Variants in ZNRF3 observed in about 807,000 individuals in gnomAD.
The protein encoded by ZNRF3 is zinc and ring finger 3.
A neutral mutation model predicts 72.5 loss-of-function variants in ZNRF3; 23 were observed. That is an observed-to-expected ratio of 0.32 (90% CI 0.23 to 0.45). The LOEUF (loss-of-function observed/expected upper bound fraction) is 0.45. Among genes scored for constraint, ZNRF3 ranks in the 20% least tolerant of loss-of-function variants. The pLI is 1.00. For synonymous variants in ZNRF3, 610 were observed against 545.3 expected (o/e 1.12, Z -1.65); for missense variants, 1,169 against 1,272.1 (o/e 0.92, Z 1.23).
chr22:28,911,619 C>T (rs970055250), intron 1 of ZNRF3, among the ~76,000 whole-genome samples: 1 of 152,214 alleles, frequency 6.6e-6, no homozygotes, highest in Non-Finnish European at 1.5e-5. Flanking sequence ...TACACTTGAC[C>T]ATTCATGACA....
chr22:29,005,298 A>G (rs981790474), intron 2 of ZNRF3, among the ~76,000 whole-genome samples: 1 of 152,260 alleles, frequency 6.6e-6, no homozygotes, highest in Non-Finnish European at 1.5e-5. Context: ...AATATTCCTC[A>G]GCAGAGCATG....
At chr22:28,893,647 A>T (rs1437145593) in intron 1 of ZNRF3, among the ~76,000 whole-genome samples, 3 of 151,776 alleles carry the variant, frequency 2.0e-5, no homozygotes, top group Admixed American at 1.3e-4. Flanking sequence ...ACAGGTGCAC[A>T]TCACCACATC....
intron 1 of ZNRF3, among the ~76,000 whole-genome samples, chr22:28,893,657 C>G (rs1473282878): frequency 1.3e-5 from 2 of 152,120 alleles, no homozygotes; most frequent in Non-Finnish European, 2.9e-5. Context: ...ATCACCACAT[C>G]CAGCTAATGT....
chr22:29,048,440 C>T lies in ZNRF3; in HGVS notation c.964C>T (p.Pro322Ser), dbSNP rs758466692. 9.3e-6 allele frequency: 15 copies of T among 1,614,044 alleles called. No individual in the cohort carries two copies. Among genetic ancestry groups the T allele is most frequent in the Non-Finnish European group, 1.3e-5 (15 of 1,180,024 alleles). ...THRFHRKCVDPWLLQHHTCPH... is the reference protein window; with the variant it reads ...THRFHRKCVDSWLLQHHTCPH... ...CCGGTTTCACAGGAAGTGCGTGGACCCCTGGCTGCTGCAGCACCACACCTG... is the reference window on the plus strand; with the variant it reads ...CCGGTTTCACAGGAAGTGCGTGGACTCCTGGCTGCTGCAGCACCACACCTG... The change falls in exon 7 of 9, where the codon CCC becomes TCC. Residue 322 changes from proline (P) to serine (S), a missense_variant. Coordinates refer to ENST00000544604, the MANE Select transcript of ZNRF3 (RefSeq NM_001206998.2). This position sits in a 1 kb window ranked among gnomAD's most constrained non-coding sequence, Gnocchi z 4.9.
chr22:29,019,687 C>G (rs1364736799), intron 2 of ZNRF3, among the ~76,000 whole-genome samples: 3 of 152,138 alleles, frequency 2.0e-5, no homozygotes, highest in African/African-American at 7.2e-5. Flanking sequence ...TTAATTGGCA[C>G]CTACCATGTA....
At position 28,929,904 on chromosome 22, in the gene ZNRF3, C is replaced by T. The variant is rs2034674483; in HGVS notation, c.300+45838C>T. Among the ~76,000 whole-genome samples the T allele has an allele frequency of 2.0e-5, 3 of 150,372 alleles. No homozygotes were observed. The South Asian group carries it at 6.2e-4, about 31-fold the overall frequency. On this transcript the variant is annotated intron_variant, in intron 1 of 8. Transcript: ENST00000544604. ...TTGTGAATAGGACCACAGATATGCA[C>T]TCCTTACATTAACCTCAGCCTTGAT...
At chr22:28,903,000 C>T (rs543593780) in intron 1 of ZNRF3, among the ~76,000 whole-genome samples, 1 of 151,990 alleles carries the variant, frequency 6.6e-6, no homozygotes, top group South Asian at 2.1e-4. Flanking sequence ...TTTTAACATG[C>T]TTAGTGCCTT....
At chr22:28,933,527 C>T (rs902341410) in intron 1 of ZNRF3, among the ~76,000 whole-genome samples, 8 of 152,130 alleles carry the variant, frequency 5.3e-5, no homozygotes, top group African/African-American at 1.9e-4. Flanking sequence ...CTGTTATCAA[C>T]AATTACTTGG....
intron 1 of ZNRF3, among the ~76,000 whole-genome samples, chr22:28,977,836 A>C (rs1397715387): frequency 6.6e-6 from 1 of 152,248 alleles, no homozygotes; most frequent in South Asian, 2.1e-4. Context: ...CCTTTCAGAC[A>C]TGTGGAAAGT....
rs1489041694 is a variant in ZNRF3, at chr22:29,050,181, A to G, written c.2000A>G (p.Tyr667Cys). ...TCCACCTGCAGCCTGGAGATGAACT[A>G]CAGCAGCAACTCCTCCCTGGAGCAC... ...QVSTCSLEMN[Y>C]SSNSSLEHRG... Residue 667 changes from tyrosine (Y) to cysteine (C), a missense_variant, in exon 8 of 9, where the codon TAC becomes TGC. This residue lies in a region of ZNRF3 where 783 missense variants were observed against 731.4 expected (regional missense o/e 1.07). Transcript: ENST00000544604. 1.9e-6 allele frequency: 3 copies of G among 1,601,992 alleles called. No individual in the cohort carries two copies. Among genetic ancestry groups the G allele is most frequent in the Non-Finnish European group, 2.5e-6 (3 of 1,179,826 alleles).
At chr22:29,010,205 A>G (rs2036325783) in intron 2 of ZNRF3, among the ~76,000 whole-genome samples, 2 of 151,952 alleles carry the variant, frequency 1.3e-5, no homozygotes, top group East Asian at 3.9e-4. Context: ...CACCGCACCC[A>G]GCCCCTCTTC....
intron 2 of ZNRF3, among the ~76,000 whole-genome samples, chr22:29,009,938 G>T (rs866870411): frequency 1.6e-5 from 2 of 124,812 alleles, no homozygotes; most frequent in South Asian, 2.4e-4. Context: ...ACAGTGTCTC[G>T]CTCTGTTTCC....
chr22:28,903,819 G>A (rs1275870672), intron 1 of ZNRF3, among the ~76,000 whole-genome samples: 2 of 152,174 alleles, frequency 1.3e-5, no homozygotes, highest in African/African-American at 4.8e-5. Context: ...CTGGGAACTT[G>A]TCCTGGATTT....
rs368325192 is a variant in ZNRF3 at position 28,987,104 on chromosome 22, A to G, written c.329A>G (p.Asn110Ser). Reference sequence around the variant, plus strand: ...CACCCACTGGGCCTATGTAATAACAATGACGAAGAGGACTTGTATGAATAT... The same window carrying G: ...CACCCACTGGGCCTATGTAATAACAGTGACGAAGAGGACTTGTATGAATAT... ...QMHPLGLCNN[N>S]DEEDLYEYGW... The change falls in exon 2 of 9, where the codon AAT becomes AGT. Residue 110 changes from asparagine (N) to serine (S), a missense_variant. Coordinates refer to ENST00000544604, the MANE Select transcript of ZNRF3 (RefSeq NM_001206998.2). 1.9e-6 allele frequency: 3 copies of G among 1,613,644 alleles called. No homozygotes were observed. The highest frequency in any genetic ancestry group is 1.3e-5 in the African/African-American group (1 of 74,914).
chr22:29,021,921 A>G (rs9613775), intron 2 of ZNRF3, among the ~76,000 whole-genome samples: 27,089 of 152,000 alleles, frequency 0.18, 3,024 homozygotes, highest in Admixed American at 0.25. Context: ...CACCCATTAA[A>G]CCATCACCAC....
chr22:28,987,582 G>A (rs984932686), intron 2 of ZNRF3, among the ~76,000 whole-genome samples: 12 of 152,294 alleles, frequency 7.9e-5, no homozygotes, highest in Admixed American at 3.3e-4. Context: ...GTTTAGAAAG[G>A]CATTAAGGGG....
chr22:29,033,711 A>G (rs2036809630), intron 2 of ZNRF3, among the ~76,000 whole-genome samples: 1 of 152,208 alleles, frequency 6.6e-6, no homozygotes, highest in South Asian at 2.1e-4. Flanking sequence ...CATTGGGCAT[A>G]GGTGAAAAGG....
intron 1 of ZNRF3, among the ~76,000 whole-genome samples, chr22:28,900,539 C>T (rs1417908212): frequency 3.9e-5 from 6 of 152,212 alleles, no homozygotes; most frequent in Non-Finnish European, 8.8e-5. Flanking sequence ...TTGCAGGTGG[C>T]ATCTGCTGTT....
intron 2 of ZNRF3, 78 bp from the exon 3 acceptor site, chr22:29,042,417 C>T: frequency 8.3e-7 from 1 of 1,202,004 alleles, no homozygotes; most frequent in South Asian, 1.3e-5. Context: ...CATTTGATTA[C>T]AGGCCTGATT....
Sources: allele counts gnomAD v4.1 joint callset (sites outside exome capture counted in the v4.1 genomes callset), GRCh38; gene constraint gnomAD v4.1.1; regional missense constraint gnomAD v4.1.1; non-coding constraint Gnocchi (gnomAD v3.1); transcripts MANE v1.5; gene names NCBI Gene and HGNC (gene_info 2026-07-23, HGNC 2026-07-21).